TCF12: variants seen among roughly 807,000 people sequenced by gnomAD.
TCF12 encodes the protein transcription factor 12.
TCF12 carries 45 observed loss-of-function variants against 86.0 expected under a neutral mutation model. The observed-to-expected ratio is 0.52, with a 90% CI of 0.41 to 0.67. The LOEUF (loss-of-function observed/expected upper bound fraction) is 0.67. TCF12 is among the 30% of genes least tolerant of loss of function. TCF12 has a pLI of 0.00. For missense variants in TCF12, 881 were observed against 859.9 expected (o/e 1.02, Z -0.31); for synonymous variants, 330 against 299.6 (o/e 1.10, Z -1.05).
intron 17 of TCF12, 83 bp from the exon 18 acceptor site, chr15:57,263,029 G>T (rs1319043965): frequency 7.0e-7 from 1 of 1,429,390 alleles, no homozygotes; most frequent in Non-Finnish European, 9.4e-7. Flanking sequence ...ATATTCACCA[G>T]CTAGAAAGCT....
At chr15:56,946,318 T>C (rs938012507) in intron 3 of TCF12, among the ~76,000 whole-genome samples, 1 of 152,218 alleles carries the variant, frequency 6.6e-6, no homozygotes, top group South Asian at 2.1e-4. Context: ...GTTTTAATAG[T>C]TTCTCTTACT....
At chr15:57,000,127 A>G (rs546247386) in intron 3 of TCF12, among the ~76,000 whole-genome samples, 10 of 151,990 alleles carry the variant, frequency 6.6e-5, no homozygotes, top group Non-Finnish European at 1.5e-4. Context: ...AAAATCTGTG[A>G]GCAACTTTCT....
chr15:56,995,441 G>A (rs2063664617), intron 3 of TCF12, among the ~76,000 whole-genome samples: 1 of 151,772 alleles, frequency 6.6e-6, no homozygotes, highest in Non-Finnish European at 1.5e-5. Flanking sequence ...TGTAATCAGT[G>A]AGCATAGGAT....
chr15:57,163,188 A>G (rs990264995), intron 5 of TCF12, among the ~76,000 whole-genome samples: 17 of 152,180 alleles, frequency 1.1e-4, no homozygotes, highest in South Asian at 2.1e-4. Flanking sequence ...AAAATAAAAA[A>G]TAAAAAATGT....
intron 5 of TCF12, among the ~76,000 whole-genome samples, chr15:57,144,460 A>C (rs953818669): frequency 6.6e-6 from 1 of 152,242 alleles, no homozygotes; most frequent in Admixed American, 6.5e-5. Context: ...AATGTAAACA[A>C]GTAGCATTTA....
intron 8 of TCF12, among the ~76,000 whole-genome samples, chr15:57,226,920 C>G (rs1272206290): frequency 1.6e-5 from 2 of 121,810 alleles, no homozygotes; most frequent in African/African-American, 4.9e-5. Context: ...TGACTGATAG[C>G]TACTGTATTG....
chr15:57,078,877 TAACTC>T (rs1300399726), intron 4 of TCF12, among the ~76,000 whole-genome samples: 1 of 152,214 alleles, frequency 6.6e-6, no homozygotes, highest in East Asian at 1.9e-4. Flanking sequence ...ATCACATAGA[TAACTC>T]AGTTTATATC....
chr15:57,154,667 G>A (rs1249434916), intron 5 of TCF12, among the ~76,000 whole-genome samples: 1 of 152,046 alleles, frequency 6.6e-6, no homozygotes, highest in Non-Finnish European at 1.5e-5. Context: ...TATACAAAGA[G>A]ATCCAGTTAC....
chr15:57,054,906 T>C (rs531643930), intron 3 of TCF12, among the ~76,000 whole-genome samples: 135 of 151,648 alleles, frequency 8.9e-4, no homozygotes, highest in Middle Eastern at 3.4e-3. Context: ...TTGACCTTAT[T>C]ATAGGTCTAT....
At chr15:57,245,261 T>C (rs1419245240) in intron 13 of TCF12, among the ~76,000 whole-genome samples, 1 of 152,218 alleles carries the variant, frequency 6.6e-6, no homozygotes, top group Non-Finnish European at 1.5e-5. Flanking sequence ...TTTCAGCTAT[T>C]AGCAGGTTCT....
intron 5 of TCF12, among the ~76,000 whole-genome samples, chr15:57,143,580 T>C (rs1281165284): frequency 2.0e-5 from 3 of 152,192 alleles, no homozygotes; most frequent in Non-Finnish European, 4.4e-5. Context: ...AAAAAATCTT[T>C]TAGGTTTTAA....
At chr15:57,239,905 C>T (rs1281866653) in intron 12 of TCF12, among the ~76,000 whole-genome samples, 2 of 152,136 alleles carry the variant, frequency 1.3e-5, no homozygotes, top group Admixed American at 6.6e-5. Context: ...ATAGAAAAGT[C>T]TAGCAACCAG....
At position 57,224,493 on chromosome 15, in the gene TCF12, G is replaced by A. The variant is rs1268471309; in HGVS notation, c.580-6659G>A. 7.9e-5 allele frequency among the ~76,000 whole-genome samples: 12 copies of A among 152,228 alleles called. 1 individual carries two copies. In the South Asian group the frequency reaches 2.3e-3, roughly 29 times the overall value. On this transcript the variant is annotated intron_variant, in intron 8 of 20. Transcript: ENST00000333725. ...GTTAATTTAAGATTAATTTAAATGG[G>A]CTTAGAAGGAATTTTTCTCACAGTT...
At chr15:56,926,115 C>T (rs2060001457) in intron 3 of TCF12, among the ~76,000 whole-genome samples, 1 of 152,150 alleles carries the variant, frequency 6.6e-6, no homozygotes, top group South Asian at 2.1e-4. Flanking sequence ...AGTTGGAGAC[C>T]AGCCTGGCCA....
chr15:56,964,404 C>A (rs1482241483), intron 3 of TCF12, among the ~76,000 whole-genome samples: 2 of 152,184 alleles, frequency 1.3e-5, no homozygotes, highest in African/African-American at 4.8e-5. Context: ...TCTTACCTCA[C>A]CAACTTTCTC....
chr15:57,279,674 C>G (rs766686942), intron 19 of TCF12, among the ~76,000 whole-genome samples: 1 of 152,068 alleles, frequency 6.6e-6, no homozygotes, highest in Non-Finnish European at 1.5e-5. Flanking sequence ...CTGATCCTTC[C>G]AAGCATTTCT....
chr15:57,011,461 C>T (rs2064825632), intron 3 of TCF12, among the ~76,000 whole-genome samples: 1 of 152,138 alleles, frequency 6.6e-6, no homozygotes, highest in Non-Finnish European at 1.5e-5. Context: ...GCTTCTACAG[C>T]CTGCAGAACC....
intron 4 of TCF12, among the ~76,000 whole-genome samples, chr15:57,071,723 C>G (rs1449148936): frequency 6.6e-6 from 1 of 152,170 alleles, no homozygotes; most frequent in Non-Finnish European, 1.5e-5. Flanking sequence ...TAGTTAATTA[C>G]GAAAATAATT....
At chr15:57,111,143 A>G (rs537547416) in intron 5 of TCF12, among the ~76,000 whole-genome samples, 60 of 152,048 alleles carry the variant, frequency 3.9e-4, no homozygotes, top group Admixed American at 1.8e-3. Context: ...TGTTTTAAAA[A>G]TGGAGTTTGT....
Sources: gnomAD v4.1 joint callset for allele counts (sites outside exome capture counted in the v4.1 genomes callset) on GRCh38, gnomAD v4.1.1 for gene constraint, MANE v1.5 for transcripts, NCBI Gene and HGNC (gene_info 2026-07-23, HGNC 2026-07-21) for gene names.